The following ABCF3 variants were observed in gnomAD, a reference collection of about 807,000 sequenced individuals.
The protein encoded by ABCF3 is ATP-binding cassette sub-family F member 3.
A neutral mutation model predicts 94.3 loss-of-function variants in ABCF3; 62 were observed. That is an observed-to-expected ratio of 0.66 (90% CI 0.54 to 0.81). The LOEUF is 0.81. ABCF3 is among the 40% of genes least tolerant of loss of function. ABCF3 has a pLI of 0.00. For missense variants in ABCF3, 843 were observed against 925.3 expected (o/e 0.91, Z 1.15); for synonymous variants, 355 against 361.1 (o/e 0.98, Z 0.19).
Position 184,187,775 on chromosome 3 carries a change from G to A in ABCF3, c.446+14G>A, listed in dbSNP as rs781613350. The A allele has an allele frequency of 2.5e-6, 4 of 1,614,198 alleles. No homozygotes were observed. The highest frequency in any genetic ancestry group is 2.2e-5 in the East Asian group (1 of 44,884). ...CAGCAACCCTCTGTGAGTGGGGGAA[G>A]CATGGCTCAGAAGAGAGCAGAGCAG... On this transcript the variant is annotated intron_variant, in intron 5 of 20. Coordinates refer to ENST00000429586, the MANE Select transcript of ABCF3 (RefSeq NM_018358.3).
chr3:184,186,614 A>G lies in ABCF3; in HGVS notation c.181A>G (p.Ile61Val). 6.2e-7 allele frequency: 1 copy of G among 1,613,602 alleles called. No homozygotes were observed. Among genetic ancestry groups the G allele is most frequent in the Non-Finnish European group, 8.5e-7 (1 of 1,179,714 alleles). The stretch of plus-strand genomic sequence containing the variant: ...CGGGGACAGCAAGGATGACGCGGGC[A>G]TCAGGGCCGTGTGCCAGCGCATGTA... ...VSGDSKDDAG[I>V]RAVCQRMYNT... Residue 61 changes from isoleucine (I) to valine (V), a missense_variant, in exon 2 of 21, where the codon ATC (isoleucine) becomes GTC (valine). Physicochemically the swap from Ile to Val is conservative, Grantham distance 29. Transcript: ENST00000429586.
Position 184,193,645 on chromosome 3 carries a change from G to T in ABCF3, c.2077G>T (p.Asp693Tyr). 6.2e-7 allele frequency: 1 copy of T among 1,614,090 alleles called. No individual in the cohort carries two copies. Among genetic ancestry groups the T allele is most frequent in the South Asian group, 1.1e-5 (1 of 91,076 alleles). The change falls in exon 21 of 21, where the codon GAC (aspartate) becomes TAC (tyrosine). Residue 693 changes from aspartate to tyrosine, a missense_variant. Asp to Tyr is a radical substitution (Grantham distance 160). Coordinates refer to ENST00000429586, the MANE Select transcript of ABCF3 (RefSeq NM_018358.3). This position sits in a 1 kb window ranked among gnomAD's most constrained non-coding sequence, Gnocchi z 5.2. Reference sequence around the variant, plus strand: ...CGTCACCCGTGTGGAAGGAGGATTTGACCAGTACCGCGCCCTCCTCCAGGA... The same window carrying T: ...CGTCACCCGTGTGGAAGGAGGATTTTACCAGTACCGCGCCCTCCTCCAGGA... ...GGVTRVEGGFDQYRALLQEQF... is the reference protein window; with the variant it reads ...GGVTRVEGGFYQYRALLQEQF...
In ABCF3 at chr3:184,193,476, A is replaced by G. The variant is rs1577071319; in HGVS notation, c.1971+24A>G. The G allele has an allele frequency of 1.2e-6, 2 of 1,612,628 alleles. No individual in the cohort carries two copies. Among genetic ancestry groups the G allele is most frequent in the East Asian group, 2.2e-5 (1 of 44,780 alleles). On this transcript the variant is annotated intron_variant, in intron 20 of 20. Coordinates refer to ENST00000429586, the MANE Select transcript of ABCF3 (RefSeq NM_018358.3). The surrounding 1 kb of genome is among the most constrained non-coding windows in gnomAD (Gnocchi z 5.2). ...GGGTGAGTGTGCCTTCACCCTGACC[A>G]CTCCTCCCAGGCCTCGGTGCCTCTT...
chr3:184,191,699 T>C (rs1334647929), intron 16 of ABCF3, among the ~76,000 whole-genome samples: 1 of 150,014 alleles, frequency 6.7e-6, no homozygotes, highest in Non-Finnish European at 1.5e-5. Context: ...TAGCAAATAC[T>C]CAAGTATTGC....
intron 14 of ABCF3, 192 bp from the exon 15 acceptor site, chr3:184,190,805 CTG>C (rs997061449): frequency 4.8e-6 from 3 of 629,488 alleles, no homozygotes; most frequent in South Asian, 2.0e-5. Context: ...AATATAGTAA[CTG>C]GGGATAAAAA....
At chr3:184,187,177 T>A (rs1248355112) in intron 3 of ABCF3, 2 of 658,206 alleles carry the variant, frequency 3.0e-6, no homozygotes, top group African/African-American at 3.6e-5. Flanking sequence ...GTTGGTTATC[T>A]GTCCCCAGCC....
In ABCF3 at chr3:184,187,950, G is replaced by A. The variant is rs1299047335; in HGVS notation, c.536G>A (p.Arg179Gln). The A allele has an allele frequency of 7.4e-6, 12 of 1,614,048 alleles. No homozygotes were observed. Among genetic ancestry groups the A allele is most frequent in the South Asian group, 2.2e-5 (2 of 91,084 alleles). ...GGCAAGAACAAATCCTATGATGTGC[G>A]AATTGAGAACTTTGATGTGTCTTTT... is the stretch of plus-strand genomic sequence containing the variant. ...SSGKNKSYDVRIENFDVSFGD... is the reference protein window; with the variant it reads ...SSGKNKSYDVQIENFDVSFGD... The change falls in exon 6 of 21, where the codon CGA becomes CAA. Residue 179 changes from arginine (R) to glutamine (Q), a missense_variant. Arg to Gln is a conservative substitution (Grantham distance 43, BLOSUM62 1). Transcript: ENST00000429586.
chr3:184,193,283 C>T lies in ABCF3; in HGVS notation c.1883+49C>T. The T allele has an allele frequency of 6.2e-7, 1 of 1,603,240 alleles. No individual in the cohort carries two copies. The highest frequency in any genetic ancestry group is 8.5e-7 in the Non-Finnish European group (1 of 1,174,230). ...CTTCCCCTCCCATTTCCCCTTCTTG[C>T]CCAGTAGAAAACTGTATCAGAAGGC... On this transcript the variant is annotated intron_variant, in intron 19 of 20. Transcript: ENST00000429586. This position sits in a 1 kb window ranked among gnomAD's most constrained non-coding sequence, Gnocchi z 5.2.
chr3:184,188,250 A>G lies in ABCF3; in HGVS notation c.679A>G (p.Ser227Gly). Residue 227 changes from serine (S) to glycine (G), a missense_variant, in exon 7 of 21, where the codon AGT becomes GGT. By Grantham distance (56) the Ser-to-Gly change is moderately conservative. Coordinates refer to ENST00000429586, the MANE Select transcript of ABCF3 (RefSeq NM_018358.3). Reference protein sequence around the residue: ...TTLLKMLATRSLRVPAHISLL... With the variant: ...TTLLKMLATRGLRVPAHISLL... ...GTTACTGAAGATGCTGGCCACCCGG[A>G]GTCTGCGGGTTCCAGCCCACATTTC... is the stretch of plus-strand genomic sequence containing the variant. 2 of 1,614,172 alleles carry G rather than the reference A, an allele frequency of 1.2e-6. No homozygotes were observed. Among genetic ancestry groups the G allele is most frequent in the Non-Finnish European group, 1.7e-6 (2 of 1,180,042 alleles).
At chr3:184,192,089 G>C (rs1716063432) in intron 16 of ABCF3, among the ~76,000 whole-genome samples, 2 of 152,122 alleles carry the variant, frequency 1.3e-5, no homozygotes, top group South Asian at 4.2e-4. Flanking sequence ...GGAGTCATCG[G>C]GACTGGGGAC....
intron 4 of ABCF3, 29 bp downstream of exon 4, chr3:184,187,472 T>C: frequency 6.2e-7 from 1 of 1,605,304 alleles, no homozygotes; most frequent in South Asian, 1.1e-5. Context: ...GGGAGGGGAC[T>C]GTCTGTGATG....
intron 7 of ABCF3, 33 bp from the exon 8 acceptor site, chr3:184,188,728 G>A (rs757701164): frequency 1.2e-5 from 19 of 1,610,968 alleles, no homozygotes; most frequent in South Asian, 3.3e-5. Context: ...GACTGCCCCT[G>A]CTTAGGCCAA....
At position 184,188,988 on chromosome 3, in the gene ABCF3, G is replaced by C. The variant is rs374622062; in HGVS notation, c.977G>C (p.Arg326Pro). 1 of 1,614,206 alleles carries C rather than the reference G, an allele frequency of 6.2e-7. No individual in the cohort carries two copies. The highest frequency in any genetic ancestry group is 8.5e-7 in the Non-Finnish European group (1 of 1,180,038). Residue 326 changes from arginine (R) to proline (P), a missense_variant and splice_region_variant, in exon 9 of 21, where the codon CGG becomes CCG. By Grantham distance (103) the Arg-to-Pro change is moderately radical (BLOSUM62 -2). Coordinates refer to ENST00000429586, the MANE Select transcript of ABCF3 (RefSeq NM_018358.3). Reference sequence around the variant, plus strand: ...CCTAAAATGCAGCAGCAGCCCACCCGGTGAGTGACCCTTGCCATTCTTGGC... The same window carrying C: ...CCTAAAATGCAGCAGCAGCCCACCCCGTGAGTGACCCTTGCCATTCTTGGC... ...FTPKMQQQPTREFSGGWRMRL... is the reference protein window; with the variant it reads ...FTPKMQQQPTPEFSGGWRMRL...
chr3:184,188,050 A>T, intron 6 of ABCF3, 67 bp downstream of exon 6: 1 of 1,612,916 alleles, frequency 6.2e-7, no homozygotes, highest in Non-Finnish European at 8.5e-7. Context: ...GGAGAGGTGA[A>T]ACGGGGCTAT....
At position 184,193,742 on chromosome 3, in the gene ABCF3, C is replaced by T. The variant is rs1716182192; in HGVS notation, c.*44C>T. ...TCGCCCAGGACATGGACTGGTCTCT[C>T]AGACCCCTGGGCCACCATGTAGGCC... On this transcript the variant is annotated 3_prime_UTR_variant, in exon 21 of 21. Transcript: ENST00000429586. This position sits in a 1 kb window ranked among gnomAD's most constrained non-coding sequence, Gnocchi z 5.2. 6.5e-6 allele frequency: 10 copies of T among 1,529,498 alleles called. No individual in the cohort carries two copies. Among genetic ancestry groups the T allele is most frequent in the African/African-American group, 4.1e-5 (3 of 72,978 alleles). The allele number at this position is 1,529,498 out of a possible 1,614,324, so 94.7% of individuals were successfully genotyped here. A position where few individuals can be genotyped will look rare whatever the true frequency, so the allele number is the denominator to read the frequency against.
intron 3 of ABCF3, chr3:184,187,120 C>CA (rs1338813738): frequency 9.5e-6 from 6 of 634,142 alleles, no homozygotes; most frequent in Non-Finnish European, 1.4e-5. Flanking sequence ...GACTTGCTTT[C>CA]ACCCCCAGTT....
chr3:184,186,443 G>T, intron 1 of ABCF3, 64 bp from the exon 2 acceptor site: 1 of 1,582,992 alleles, frequency 6.3e-7, no homozygotes, highest in Non-Finnish European at 8.6e-7. Context: ...TCTGTCTGGG[G>T]TCTGAAACTG....
Position 184,193,138 on chromosome 3 carries a change from G to C in ABCF3, c.1787G>C (p.Arg596Pro). The C allele has an allele frequency of 6.4e-7, 1 of 1,556,212 alleles. No individual in the cohort carries two copies. The highest frequency in any genetic ancestry group is 8.7e-7 in the Non-Finnish European group (1 of 1,152,816). ...GAGGAGTACCGTCACCAGCTGGGTC[G>C]GTATGGCATCTCCGGAGAACTGGCC... The part of the protein sequence containing the change: ...PEEEYRHQLG[R>P]YGISGELAMR... The change falls in exon 19 of 21, where the codon CGG becomes CCG. Residue 596 changes from arginine (R) to proline (P), a missense_variant. Physicochemically the swap from Arg to Pro is moderately radical, Grantham distance 103. Transcript: ENST00000429586. This position sits in a 1 kb window ranked among gnomAD's most constrained non-coding sequence, Gnocchi z 5.2.
rs775871184 is a variant in ABCF3, at chr3:184,193,620, C to T, written c.2052C>T (p.Gly684=). 13 of 1,614,158 alleles carry T rather than the reference C, an allele frequency of 8.1e-6. No individual in the cohort carries two copies. Among genetic ancestry groups the T allele is most frequent in the Admixed American group, 5.0e-5 (3 of 60,018 alleles). ...AGTTGTGGGTATGCGAAGGAGGCGGCGTCACCCGTGTGGAAGGAGGATTTG... is the reference window on the plus strand; with the variant it reads ...AGTTGTGGGTATGCGAAGGAGGCGGTGTCACCCGTGTGGAAGGAGGATTTG... ...CRELWVCEGG[G]VTRVEGGFDQ... Residue 684 remains glycine (G), a synonymous_variant, in exon 21 of 21, where the codon GGC becomes GGT. Transcript: ENST00000429586. The surrounding 1 kb of genome is among the most constrained non-coding windows in gnomAD (Gnocchi z 5.2).
Sources: gnomAD v4.1 joint callset for allele counts (sites outside exome capture counted in the v4.1 genomes callset) on GRCh38, gnomAD v4.1.1 for gene constraint, Gnocchi (gnomAD v3.1) non-coding constraint, MANE v1.5 for transcripts, NCBI Gene and HGNC (gene_info 2026-07-23, HGNC 2026-07-21) for gene names.